Variants in DENND1B observed in about 807,000 individuals in gnomAD.
DENND1B encodes DENN domain containing 1B, also known as DENN domain-containing protein 1B.
A neutral mutation model predicts 90.1 loss-of-function variants in DENND1B; 59 were observed. That is an observed-to-expected ratio of 0.65 (90% CI 0.53 to 0.81). DENND1B has a LOEUF of 0.81. Ranked by LOEUF, DENND1B falls within the 40% of genes least tolerant of loss-of-function variation. The probability of loss-of-function intolerance (pLI) is 0.00; values close to 1 mark genes in which losing one functional copy is unlikely to be tolerated. For missense variants in DENND1B, 862 were observed against 912.6 expected (o/e 0.94, Z 0.71); for synonymous variants, 337 against 324.6 (o/e 1.04, Z -0.41).
rs965432534 is a variant in DENND1B at position 197,578,019 on chromosome 1, T to A, written c.1149+5133A>T. 3.0e-4 allele frequency among the ~76,000 whole-genome samples: 46 copies of A among 152,178 alleles called. 2 individuals are homozygous for A. Among genetic ancestry groups the A allele is most frequent in the Non-Finnish European group, 1.5e-5 (1 of 68,018 alleles). On this transcript the variant is annotated intron_variant, in intron 15 of 22. Coordinates refer to ENST00000620048, the MANE Select transcript of DENND1B (RefSeq NM_001195215.2). ...ATACTTTAATTAAATATTAACAGTT[T>A]AAATAATAATAATAAAGCAAGGATA...
At chr1:197,642,918 G>T in intron 9 of DENND1B, 97 bp from the exon 10 acceptor site, 1 of 720,710 alleles carries the variant, frequency 1.4e-6, no homozygotes, top group South Asian at 2.0e-5. Flanking sequence ...AGTTCAAAGG[G>T]TATTATTATT....
rs1012870343 is a variant in DENND1B, at chr1:197,714,706, T to C, written c.126+325A>G. ...AAGAGTATATTTAACAAAGATTTCATATTGTCAACTTTTTATTGTTTTTAA... is the reference window on the plus strand; with the variant it reads ...AAGAGTATATTTAACAAAGATTTCACATTGTCAACTTTTTATTGTTTTTAA... On this transcript the variant is annotated intron_variant, in intron 3 of 22. Transcript: ENST00000620048. 1.3e-4 allele frequency among the ~76,000 whole-genome samples: 20 copies of C among 152,282 alleles called. No homozygotes were observed. In the East Asian group the frequency reaches 3.7e-3, roughly 28 times the overall value.
At position 197,595,248 on chromosome 1, in the gene DENND1B, G is replaced by C; in HGVS notation, c.1007C>G (p.Ala336Gly). Residue 336 changes from alanine (A) to glycine (G), a missense_variant, in exon 14 of 23, where the codon GCT (alanine) becomes GGT (glycine). Physicochemically the swap from Ala to Gly is moderately conservative, Grantham distance 60. Coordinates refer to ENST00000620048, the MANE Select transcript of DENND1B (RefSeq NM_001195215.2). Reference sequence around the variant, plus strand: ...TGCATCTCTGTAGGATCCAAACAAAGCAGCCTGTGCTCTAAGAAAGGCCCT... The same window carrying C: ...TGCATCTCTGTAGGATCCAAACAAACCAGCCTGTGCTCTAAGAAAGGCCCT... The part of the protein sequence containing the change: ...VARAFLRAQA[A>G]LFGSYRDALR... 1 of 1,613,284 alleles carries C rather than the reference G, an allele frequency of 6.2e-7. No individual in the cohort carries two copies. Among genetic ancestry groups the C allele is most frequent in the Non-Finnish European group, 8.5e-7 (1 of 1,179,428 alleles).
chr1:197,508,367 A>C lies in DENND1B; in HGVS notation c.*2093T>G, dbSNP rs528849638. On this transcript the variant is annotated 3_prime_UTR_variant, in exon 23 of 23. Coordinates refer to ENST00000620048, the MANE Select transcript of DENND1B (RefSeq NM_001195215.2). The stretch of plus-strand genomic sequence containing the variant: ...TTCCATTATAAACTTCAGTAAAGTA[A>C]GTTGTAATTTTGTAATAAGCTTATA... 7 of 151,878 alleles carry C rather than the reference A, an allele frequency of 4.6e-5. No homozygotes were observed. The highest frequency in any genetic ancestry group is 1.0e-4 in the Non-Finnish European group (7 of 67,800). 9.4% of individuals were successfully genotyped at this position (151,878 alleles called of 1,614,324 possible). A position where few individuals can be genotyped will look rare whatever the true frequency, so the allele number is the denominator to read the frequency against.
intron 3 of DENND1B, among the ~76,000 whole-genome samples, chr1:197,707,583 TTTATATACATATA>T (rs1659683971): frequency 1.4e-5 from 2 of 147,660 alleles, no homozygotes; most frequent in South Asian, 2.1e-4. Context: ...TATGCATATA[TTTATATACATATA>T]TTATATACAT....
intron 15 of DENND1B, among the ~76,000 whole-genome samples, chr1:197,576,159 C>T (rs544519229): frequency 4.6e-5 from 7 of 151,920 alleles, no homozygotes; most frequent in East Asian, 1.9e-4. Flanking sequence ...TAAGAGTTGA[C>T]GTTTGAAGAG....
At chr1:197,574,072 T>C (rs1159704539) in intron 15 of DENND1B, among the ~76,000 whole-genome samples, 1 of 152,162 alleles carries the variant, frequency 6.6e-6, no homozygotes, top group Non-Finnish European at 1.5e-5. Flanking sequence ...TTCAACATAG[T>C]GTTGGTAGTT....
Position 197,652,368 on chromosome 1 carries a change from G to A in DENND1B, c.367-53C>T, listed in dbSNP as rs999492287. 81 of 1,382,618 alleles carry A rather than the reference G, an allele frequency of 5.9e-5. 1 individual carries two copies. The highest frequency in any genetic ancestry group is 4.2e-5 in the Admixed American group (2 of 47,942). The allele number at this position is 1,382,618 out of a possible 1,614,324, so 85.6% of individuals were successfully genotyped here. A position where few individuals can be genotyped will look rare whatever the true frequency, so the allele number is the denominator to read the frequency against. Reference sequence around the variant, plus strand: ...TAAATAAAACATATACCAAGCAACTGCAATTAAAACTATTTGATAAAATAA... The same window carrying A: ...TAAATAAAACATATACCAAGCAACTACAATTAAAACTATTTGATAAAATAA... On this transcript the variant is annotated intron_variant, in intron 6 of 22. Coordinates refer to ENST00000620048, the MANE Select transcript of DENND1B (RefSeq NM_001195215.2).
At position 197,564,637 on chromosome 1, in the gene DENND1B, C is replaced by T. The variant is rs80158962; in HGVS notation, c.1150-11525G>A. 4.0e-3 allele frequency among the ~76,000 whole-genome samples: 600 copies of T among 151,834 alleles called. 4 individuals are homozygous for T. The highest frequency in any genetic ancestry group is 0.014 in the African/African-American group (574 of 41,422). The stretch of plus-strand genomic sequence containing the variant: ...TTATTGTAGTGGTCTGGAACTGAAC[C>T]CACACTATCTCTGAGCTATGAGTAA... On this transcript the variant is annotated intron_variant, in intron 15 of 22. Transcript: ENST00000620048.
intron 15 of DENND1B, among the ~76,000 whole-genome samples, chr1:197,559,356 G>T (rs543729994): frequency 1.3e-5 from 2 of 151,864 alleles, no homozygotes; most frequent in Admixed American, 6.6e-5. Flanking sequence ...ATTCTCTGCC[G>T]AGCTGAGGAA....
chr1:197,552,443 GATAATT>G, intron 16 of DENND1B: 2 of 985,020 alleles, frequency 2.0e-6, no homozygotes, highest in Non-Finnish European at 2.4e-6. Context: ...TAATTGCCTA[GATAATT>G]ATAACAGTAT....
chr1:197,729,847 A>G (rs1661992223), intron 2 of DENND1B, among the ~76,000 whole-genome samples: 1 of 152,146 alleles, frequency 6.6e-6, no homozygotes. Context: ...AAAAATTAGT[A>G]AAGCACAAAA....
In DENND1B at chr1:197,645,717, T is replaced by C. The variant is rs774870258; in HGVS notation, c.534A>G (p.Val178=). Residue 178 remains valine, a synonymous_variant, in exon 9 of 23, where the codon GTA becomes GTG. Coordinates refer to ENST00000620048, the MANE Select transcript of DENND1B (RefSeq NM_001195215.2). ...VPHSYFIAPD[V]TGLPTIPESR... is the part of the protein sequence containing the mutation. ...TCTCGGGTATTGTTGGGAGTCCAGTTACATCAGGGGCAATGAAGTAGGAAT... is the reference window on the plus strand; with the variant it reads ...TCTCGGGTATTGTTGGGAGTCCAGTCACATCAGGGGCAATGAAGTAGGAAT... The C allele has an allele frequency of 1.3e-6, 2 of 1,572,378 alleles. No homozygotes were observed. The highest frequency in any genetic ancestry group is 1.2e-5 in the South Asian group (1 of 80,790).
intron 3 of DENND1B, among the ~76,000 whole-genome samples, chr1:197,677,521 TAATC>T (rs1366315273): frequency 2.0e-4 from 30 of 152,262 alleles, no homozygotes; most frequent in Admixed American, 1.6e-3. Context: ...CACATATAAT[TAATC>T]ACTCACCAAG....
intron 20 of DENND1B, among the ~76,000 whole-genome samples, chr1:197,528,364 T>C (rs984608533): frequency 4.6e-5 from 7 of 152,180 alleles, no homozygotes; most frequent in Non-Finnish European, 1.0e-4. Context: ...CTTCTGAGCA[T>C]ATTTTAAAAT....
At chr1:197,583,900 T>C (rs1279241126) in intron 14 of DENND1B, among the ~76,000 whole-genome samples, 1 of 152,194 alleles carries the variant, frequency 6.6e-6, no homozygotes, top group African/African-American at 2.4e-5. Context: ...TTTTTTTCTA[T>C]TTATTCCTTT....
intron 2 of DENND1B, among the ~76,000 whole-genome samples, chr1:197,740,571 G>A (rs1264992423): frequency 6.6e-6 from 1 of 152,118 alleles, no homozygotes; most frequent in Non-Finnish European, 1.5e-5. Context: ...AAAGGAAGAT[G>A]AAATCCTTGC....
chr1:197,652,167 A>T (rs1189815489), intron 7 of DENND1B, 68 bp downstream of exon 7: 1 of 1,266,726 alleles, frequency 7.9e-7, no homozygotes, highest in African/African-American at 1.5e-5. Flanking sequence ...GCCTGAAGGT[A>T]CACGTGCTCT....
chr1:197,554,466 T>C lies in DENND1B; in HGVS notation c.1150-1354A>G, dbSNP rs540058774. 2.6e-5 allele frequency among the ~76,000 whole-genome samples: 4 copies of C among 152,194 alleles called. No individual in the cohort carries two copies. The East Asian group carries it at 7.7e-4, about 29-fold the overall frequency. ...AGAGAAACTCAGATACTTCCTTGGT[T>C]TTCTGTTTGAACGGTTAATGAACAA... On this transcript the variant is annotated intron_variant, in intron 15 of 22. Transcript: ENST00000620048.
Sources: gnomAD v4.1 joint callset for allele counts (sites outside exome capture counted in the v4.1 genomes callset) on GRCh38, gnomAD v4.1.1 for gene constraint, MANE v1.5 for transcripts, NCBI Gene and HGNC (gene_info 2026-07-23, HGNC 2026-07-21) for gene names.